TMEM132B: variants seen among roughly 807,000 people sequenced by gnomAD.
TMEM132B encodes transmembrane protein 132B.
TMEM132B carries 18 observed loss-of-function variants against 90.8 expected under a neutral mutation model. That is an observed-to-expected ratio of 0.20 (90% confidence interval 0.14 to 0.29). TMEM132B has a LOEUF of 0.29. Ranked by LOEUF, TMEM132B falls within the 10% of genes least tolerant of loss-of-function variation. The probability of loss-of-function intolerance (pLI) is 1.00; values close to 1 mark genes in which losing one functional copy is unlikely to be tolerated. For synonymous variants in TMEM132B, 504 were observed against 523.3 expected (o/e 0.96, Z 0.50); for missense variants, 1,096 against 1,326.8 (o/e 0.83, Z 2.70).
chr12:125,300,134 C>G (rs754207615), intron 1 of TMEM132B, among the ~76,000 whole-genome samples: 4 of 152,190 alleles, frequency 2.6e-5, no homozygotes, highest in Non-Finnish European at 5.9e-5. Context: ...TCACGATCAC[C>G]CCACCTAAAG....
chr12:125,240,592 G>A lies in TMEM132B; in HGVS notation c.67+53726G>A, dbSNP rs527344378. Among the ~76,000 whole-genome samples, 35 of 152,198 alleles carry A rather than the reference G, an allele frequency of 2.3e-4. 1 individual carries two copies. In the South Asian group the frequency reaches 6.4e-3, roughly 28 times the overall value. ...CCAGATACCCCAGCATTGACCTCTT[G>A]GTTCAAGCAGAAGTTTTTAAAAAGG... On this transcript the variant is annotated intron_variant, in intron 1 of 8. Transcript: ENST00000682704.
chr12:125,219,340 G>C (rs1213842275), intron 1 of TMEM132B, among the ~76,000 whole-genome samples: 2 of 152,184 alleles, frequency 1.3e-5, no homozygotes, highest in Non-Finnish European at 2.9e-5. Flanking sequence ...GGGACCTAGT[G>C]CATTCTGACT....
At chr12:125,515,552 T>TTCAG (rs1338307806) in intron 3 of TMEM132B, among the ~76,000 whole-genome samples, 1 of 144,354 alleles carries the variant, frequency 6.9e-6, no homozygotes, top group African/African-American at 2.6e-5. Context: ...CACACATTCA[T>TTCAG]TCAGTCTGTC....
chr12:125,634,750 G>A (rs966278884), intron 5 of TMEM132B, among the ~76,000 whole-genome samples: 3 of 152,178 alleles, frequency 2.0e-5, no homozygotes, highest in African/African-American at 7.2e-5. Flanking sequence ...GAGGCCTCAG[G>A]ACTCTGATCA....
chr12:125,608,680 C>T (rs1885755020), intron 5 of TMEM132B, among the ~76,000 whole-genome samples: 2 of 152,114 alleles, frequency 1.3e-5, no homozygotes. Context: ...ACATTTTCTT[C>T]TAATATTGTA....
intron 1 of TMEM132B, among the ~76,000 whole-genome samples, chr12:125,298,532 G>A (rs912675179): frequency 3.3e-5 from 5 of 151,090 alleles, no homozygotes; most frequent in African/African-American, 1.2e-4. Context: ...AAATTAGCTT[G>A]GTGTGGTGGC....
intron 2 of TMEM132B, among the ~76,000 whole-genome samples, chr12:125,396,077 C>T (rs974403938): frequency 5.3e-5 from 8 of 152,198 alleles, no homozygotes; most frequent in Admixed American, 5.2e-4. Flanking sequence ...ATACCAATCC[C>T]TGAAACCAAC....
At chr12:125,632,677 A>T (rs1455454957) in intron 5 of TMEM132B, among the ~76,000 whole-genome samples, 1 of 151,882 alleles carries the variant, frequency 6.6e-6, no homozygotes, top group Non-Finnish European at 1.5e-5. Context: ...CTAGTGTCAA[A>T]GTTTTTTTTT....
chr12:125,409,442 G>C (rs1418680924), intron 2 of TMEM132B, among the ~76,000 whole-genome samples: 1 of 152,202 alleles, frequency 6.6e-6, no homozygotes, highest in African/African-American at 2.4e-5. Flanking sequence ...CTTGTGGTGT[G>C]CACAGGAGCT....
intron 1 of TMEM132B, among the ~76,000 whole-genome samples, chr12:125,278,904 G>A (rs1875080155): frequency 6.6e-6 from 1 of 152,196 alleles, no homozygotes. Context: ...CCCTCTAAGA[G>A]GCAATAACTC....
At chr12:125,360,180 T>C (rs1877916025) in intron 2 of TMEM132B, among the ~76,000 whole-genome samples, 1 of 152,228 alleles carries the variant, frequency 6.6e-6, no homozygotes, top group African/African-American at 2.4e-5. Flanking sequence ...TTTTCCTACA[T>C]GTAAGATAAC....
At position 125,659,351 on chromosome 12, in the gene TMEM132B, G is replaced by C. The variant is rs753757251; in HGVS notation, c.*4641G>C. 6.6e-6 allele frequency: 1 copy of C among 152,186 alleles called. No homozygotes were observed. The highest frequency in any genetic ancestry group is 2.4e-5 in the African/African-American group (1 of 41,426). 9.4% of individuals were successfully genotyped at this position (152,186 alleles called of 1,614,324 possible). A position where few individuals can be genotyped will look rare whatever the true frequency, so the allele number is the denominator to read the frequency against. On this transcript the variant is annotated 3_prime_UTR_variant, in exon 9 of 9. Transcript: ENST00000682704. ...TCAGTGCTGAAATGCATGATGCTGC[G>C]GGTGTTTGAGAGCCTTTGACCTCTG...
chr12:125,647,039 A>G (rs1335805950), intron 6 of TMEM132B, among the ~76,000 whole-genome samples: 11 of 152,222 alleles, frequency 7.2e-5, no homozygotes, highest in Non-Finnish European at 1.5e-4. Context: ...CCAGATGTAA[A>G]TTATAGAAAA....
chr12:125,201,443 T>A (rs1338235878), intron 1 of TMEM132B, among the ~76,000 whole-genome samples: 1 of 152,256 alleles, frequency 6.6e-6, no homozygotes, highest in East Asian at 1.9e-4. Context: ...TCACGAAAGA[T>A]TTAAATAAGT....
At chr12:125,620,120 C>A (rs572363657) in intron 5 of TMEM132B, among the ~76,000 whole-genome samples, 67 of 152,346 alleles carry the variant, frequency 4.4e-4, no homozygotes, top group African/African-American at 1.6e-3. Context: ...ATTGTGCCTA[C>A]TGTGTGCTTT....
intron 5 of TMEM132B, among the ~76,000 whole-genome samples, chr12:125,617,760 C>G (rs908001360): frequency 6.6e-6 from 1 of 152,046 alleles, no homozygotes; most frequent in Non-Finnish European, 1.5e-5. Flanking sequence ...AATAATGCCC[C>G]GGGGCATAAG....
intron 2 of TMEM132B, among the ~76,000 whole-genome samples, chr12:125,405,272 GCTCT>G (rs373689662): frequency 1.3e-5 from 2 of 151,156 alleles, no homozygotes; most frequent in Non-Finnish European, 3.0e-5. Flanking sequence ...CATAACTCCA[GCTCT>G]CTCTCTCTCT....
intron 1 of TMEM132B, among the ~76,000 whole-genome samples, chr12:125,334,645 T>C (rs1876895302): frequency 6.6e-6 from 1 of 152,244 alleles, no homozygotes; most frequent in Admixed American, 6.5e-5. Flanking sequence ...TGCAGCACGC[T>C]TACCTATACT....
At chr12:125,473,285 C>T (rs983860735) in intron 3 of TMEM132B, among the ~76,000 whole-genome samples, 1 of 152,170 alleles carries the variant, frequency 6.6e-6, no homozygotes, top group Admixed American at 6.5e-5. Context: ...CACCACTTTT[C>T]CAAAAGGCCC....
Sources: gnomAD v4.1 joint callset for allele counts (sites outside exome capture counted in the v4.1 genomes callset) on GRCh38, gnomAD v4.1.1 for gene constraint, MANE v1.5 for transcripts, NCBI Gene and HGNC (gene_info 2026-07-23, HGNC 2026-07-21) for gene names.